KRT18: variants seen among roughly 807,000 people sequenced by gnomAD.
KRT18 encodes the protein keratin 18.
In KRT18, 8 loss-of-function variants were observed where a neutral mutation model predicts 39.9. That is an observed-to-expected ratio of 0.20 (90% CI 0.12 to 0.36). KRT18 has a LOEUF of 0.36. Ranked by LOEUF, KRT18 falls within the 10% of genes least tolerant of loss-of-function variation. The pLI, the probability that KRT18 is intolerant of heterozygous loss-of-function variation, is 1.00. For missense variants in KRT18, 396 were observed against 565.7 expected, an observed-to-expected ratio of 0.70 and a Z score of 3.04; for synonymous variants, 194 against 227.8, an observed-to-expected ratio of 0.85 and a Z score of 1.33.
chr12:52,950,303 CA>C, intron 1 of KRT18, 24 bp from the exon 2 acceptor site: 1 of 1,545,978 alleles, frequency 6.5e-7, no homozygotes, highest in Non-Finnish European at 8.9e-7. Context: ...ATTCATGGAA[CA>C]ACCTCTCTCT....
chr12:52,951,933 A>G lies in KRT18; in HGVS notation c.948+77A>G, dbSNP rs1307276970. On this transcript the variant is annotated intron_variant, in intron 5 of 6. Transcript: ENST00000388835. The stretch of plus-strand genomic sequence containing the variant: ...CCAACCCTGTCTCAACCCAAATCCT[A>G]TCCCTCATATCATGAGTTCCTTTAG... The G allele has an allele frequency of 3.2e-6, 5 of 1,550,026 alleles. No homozygotes were observed. In the Admixed American group the frequency reaches 5.0e-5, roughly 16 times the overall value.
At position 52,949,350 on chromosome 12, in the gene KRT18, G is replaced by A. The variant is rs76187914; in HGVS notation, c.177G>A (p.Gly59=). The change falls in exon 1 of 7, where the codon GGG becomes GGA. Residue 59 remains glycine (G), a synonymous_variant. Transcript: ENST00000388835. ...SRSTSFRGGM[G]SGGLATGIAG... ...CCACCAGCTTCAGGGGCGGCATGGG[G>A]TCCGGGGGCCTGGCCACCGGGATAG... is the stretch of plus-strand genomic sequence containing the variant. The A allele has an allele frequency of 5.3e-6, 8 of 1,517,288 alleles. No homozygotes were observed. Among genetic ancestry groups the A allele is most frequent in the Non-Finnish European group, 7.0e-6 (8 of 1,135,314 alleles). The allele number at this position is 1,517,288 out of a possible 1,614,324, so 94.0% of individuals were successfully genotyped here. A position where few individuals can be genotyped will look rare whatever the true frequency, so the allele number is the denominator to read the frequency against.
At chr12:52,949,948 A>G (rs1046470936) in intron 1 of KRT18, 4 of 621,084 alleles carry the variant, frequency 6.4e-6, no homozygotes, top group Non-Finnish European at 1.1e-5. Flanking sequence ...GTCATCTAGG[A>G]GTAAACAAGA....
rs1942514682 is a variant in KRT18 at position 52,952,793 on chromosome 12, A to G, written c.1244A>G (p.Asp415Gly). 6.2e-7 allele frequency: 1 copy of G among 1,612,284 alleles called. No homozygotes were observed. The highest frequency in any genetic ancestry group is 1.7e-5 in the Admixed American group (1 of 59,998). ...AAGACCACCACCCGCCGGATAGTGG[A>G]TGGCAAAGTGGTGTCTGAGACCAAT... ...IQKTTTRRIV[D>G]GKVVSETNDT... is the part of the protein sequence containing the mutation. Residue 415 changes from aspartate to glycine, a missense_variant, in exon 7 of 7, where the codon GAT (aspartate) becomes GGT (glycine). Transcript: ENST00000388835.
intron 3 of KRT18, 114 bp from the exon 4 acceptor site, chr12:52,951,367 T>C (rs1942484758): frequency 1.8e-6 from 2 of 1,092,054 alleles, no homozygotes; most frequent in African/African-American, 1.5e-5. Flanking sequence ...AGCCAAGGGG[T>C]TCCTCCTGTC....
intron 1 of KRT18, 87 bp from the exon 2 acceptor site, chr12:52,950,241 C>A: frequency 1.0e-6 from 1 of 966,946 alleles, no homozygotes; most frequent in Non-Finnish European, 1.7e-6. Flanking sequence ...GAAGTTTTCA[C>A]TAGGATACAT....
chr12:52,951,362 A>G, intron 3 of KRT18, 119 bp from the exon 4 acceptor site: 4 of 1,049,908 alleles, frequency 3.8e-6, no homozygotes, highest in Non-Finnish European at 6.0e-6. Context: ...GTGCAAGCCA[A>G]GGGGTTCCTC....
In KRT18 at chr12:52,951,618, G is replaced by A; in HGVS notation, c.795G>A (p.Glu265=). The A allele has an allele frequency of 6.2e-7, 1 of 1,614,012 alleles. No homozygotes were observed. The highest frequency in any genetic ancestry group is 8.5e-7 in the Non-Finnish European group (1 of 1,180,036). Residue 265 remains glutamate (E), a synonymous_variant, in exon 4 of 7, where the codon GAG becomes GAA. Coordinates refer to ENST00000388835, the MANE Select transcript of KRT18 (RefSeq NM_000224.3). ...QYDELARKNR[E]ELDKYWSQQI... is the part of the protein sequence containing the mutation. ...ACGAGCTGGCTCGGAAGAACCGAGA[G>A]GAGCTAGACAAGTACTGGTCTCAGC...
chr12:52,952,368 G>A lies in KRT18; in HGVS notation c.1172+26G>A, dbSNP rs17120921. ...GTGAGTGGGGCTCTCCTACCCACAC[G>A]TGCTGGGATCAGGAGATCACTTCTC... On this transcript the variant is annotated intron_variant, in intron 6 of 6. Coordinates refer to ENST00000388835, the MANE Select transcript of KRT18 (RefSeq NM_000224.3). 16,858 of 1,443,490 alleles carry A rather than the reference G, an allele frequency of 0.012. 1,480 individuals carry two copies. The African/African-American group carries it at 0.2, about 17-fold the overall frequency. The allele number at this position is 1,443,490 out of a possible 1,614,324, so 89.4% of individuals were successfully genotyped here.
rs766588095 is a variant in KRT18, at chr12:52,949,560, C to T, written c.387C>T (p.Tyr129=). The T allele has an allele frequency of 2.7e-5, 44 of 1,613,846 alleles. No individual in the cohort carries two copies. In the African/African-American group the frequency reaches 5.2e-4, roughly 19 times the overall value. ...CCCAGGTCAGAGACTGGAGCCATTA[C>T]TTCAAGATCATCGAGGACCTGAGGG... ...KGPQVRDWSH[Y]FKIIEDLRAQ... The change falls in exon 1 of 7, where the codon TAC becomes TAT. Residue 129 remains tyrosine (Y), a synonymous_variant. Coordinates refer to ENST00000388835, the MANE Select transcript of KRT18 (RefSeq NM_000224.3).
chr12:52,949,041 T>G, upstream of KRT18: 2 of 852,948 alleles, frequency 2.3e-6, no homozygotes, highest in Non-Finnish European at 3.8e-6. Flanking sequence ...CACCTGTGGC[T>G]CCGGCTTCCG....
chr12:52,949,636 C>A, intron 1 of KRT18, 46 bp downstream of exon 1: 1 of 1,485,442 alleles, frequency 6.7e-7, no homozygotes, highest in Non-Finnish European at 9.4e-7. Context: ...TCTGACCCTC[C>A]AATTATACAC....
intron 1 of KRT18, chr12:52,950,019 A>G: frequency 3.3e-6 from 2 of 605,254 alleles, no homozygotes; most frequent in Non-Finnish European, 5.9e-6. Context: ...CAGGTGCACT[A>G]GGGAAAAAAT....
intron 1 of KRT18, chr12:52,949,963 T>C: frequency 1.6e-6 from 1 of 614,396 alleles, no homozygotes; most frequent in Non-Finnish European, 2.9e-6. Flanking sequence ...ACAAGAGGCC[T>C]TCCTTTGGGA....
Position 52,950,310 on chromosome 12 carries a change from T to C in KRT18, c.418-18T>C, listed in dbSNP as rs1239480797. The C allele has an allele frequency of 6.4e-7, 1 of 1,565,148 alleles. No individual in the cohort carries two copies. Among genetic ancestry groups the C allele is most frequent in the South Asian group, 1.1e-5 (1 of 90,126 alleles). On this transcript the variant is annotated intron_variant, in intron 1 of 6. Transcript: ENST00000388835. Reference sequence around the variant, plus strand: ...GGCTTTCTATTCATGGAACAACCTCTCTCTACAATCCCTCCAGATCTTCGC... The same window carrying C: ...GGCTTTCTATTCATGGAACAACCTCCCTCTACAATCCCTCCAGATCTTCGC...
Position 52,950,827 on chromosome 12 carries a change from A to T in KRT18, c.578A>T (p.Asn193Ile). The change falls in exon 3 of 7, where the codon AAT becomes ATT. Residue 193 changes from asparagine to isoleucine, a missense_variant. Coordinates refer to ENST00000388835, the MANE Select transcript of KRT18 (RefSeq NM_000224.3). ...HGLRKVIDDTNITRLQLETEI... is the reference protein window; with the variant it reads ...HGLRKVIDDTIITRLQLETEI... ...CTCCGCAAGGTCATTGATGACACCA[A>T]TATCACACGACTGCAGCTGGAGACA... 1 of 1,609,956 alleles carries T rather than the reference A, an allele frequency of 6.2e-7. No individual in the cohort carries two copies. The highest frequency in any genetic ancestry group is 8.5e-7 in the Non-Finnish European group (1 of 1,178,948).
At chr12:52,951,342 A>AT in intron 3 of KRT18, 139 bp from the exon 4 acceptor site, 2 of 862,974 alleles carry the variant, frequency 2.3e-6, no homozygotes, top group Non-Finnish European at 3.9e-6. Context: ...CAGAACTGGC[A>AT]TTGCCCTGAG....
At chr12:52,952,392 TC>T in intron 6 of KRT18, 50 bp downstream of exon 6, 1 of 1,298,298 alleles carries the variant, frequency 7.7e-7, no homozygotes, top group Non-Finnish European at 1.1e-6. Flanking sequence ...AGATCACTTC[TC>T]CCCAAAGTCT....
At position 52,949,153 on chromosome 12, in the gene KRT18, C is replaced by G. The variant is rs774095001; in HGVS notation, c.-21C>G. On this transcript the variant is annotated 5_prime_UTR_variant, in exon 1 of 7. Transcript: ENST00000388835. Reference sequence around the variant, plus strand: ...TCGTCCGCAAAGCCTGAGTCCTGTCCTTTCTCTCTCCCCGGACAGCATGAG... The same window carrying G: ...TCGTCCGCAAAGCCTGAGTCCTGTCGTTTCTCTCTCCCCGGACAGCATGAG... 12 of 1,566,982 alleles carry G rather than the reference C, an allele frequency of 7.7e-6. No individual in the cohort carries two copies. Among genetic ancestry groups the G allele is most frequent in the Non-Finnish European group, 1.1e-5 (12 of 1,140,696 alleles).
Sources: allele counts gnomAD v4.1 joint callset, GRCh38; gene constraint gnomAD v4.1.1; transcripts MANE v1.5; gene names NCBI Gene and HGNC (gene_info 2026-07-23, HGNC 2026-07-21).